The following WDR12 variants were observed in gnomAD, a reference collection of about 807,000 sequenced individuals.
WDR12 encodes the protein WD repeat domain 12.
In WDR12, 42 loss-of-function variants were observed where a neutral mutation model predicts 64.3. The ratio of observed to expected loss-of-function variants is 0.65; its 90% confidence interval spans 0.51 to 0.84. The LOEUF is 0.84. Ranked by LOEUF, WDR12 falls within the 40% of genes least tolerant of loss-of-function variation. WDR12 has a pLI of 0.00. For missense variants in WDR12, 469 were observed against 494.6 expected (o/e 0.95, Z 0.49); for synonymous variants, 158 against 173.3 (o/e 0.91, Z 0.70).
At chr2:202,883,549 A>C (rs1687991441) in intron 11 of WDR12, 60 bp downstream of exon 11, 1 of 1,540,644 alleles carries the variant, frequency 6.5e-7, no homozygotes, top group Non-Finnish European at 8.8e-7. Flanking sequence ...TTCAGTATTC[A>C]TTTCCTTTCT....
At chr2:202,902,960 T>C (rs2105910975) in intron 2 of WDR12, among the ~76,000 whole-genome samples, 1 of 152,194 alleles carries the variant, frequency 6.6e-6, no homozygotes, top group East Asian at 1.9e-4. Flanking sequence ...GCGCCTGTAA[T>C]CCCAGCTACT....
chr2:202,882,656 C>G, intron 12 of WDR12, 55 bp downstream of exon 12: 1 of 1,558,528 alleles, frequency 6.4e-7, no homozygotes, highest in South Asian at 1.1e-5. Context: ...TAAACACAAA[C>G]ACCAGATTTA....
intron 1 of WDR12, among the ~76,000 whole-genome samples, chr2:202,910,008 G>C (rs1237322833): frequency 6.6e-6 from 1 of 151,958 alleles, no homozygotes; most frequent in African/African-American, 2.4e-5. Flanking sequence ...TGTTGCTCAG[G>C]CTGGTCTCAA....
rs987083331 is a variant in WDR12 at position 202,911,615 on chromosome 2, T to C, written c.-139A>G. 99 of 787,942 alleles carry C rather than the reference T, an allele frequency of 1.3e-4. 1 individual carries two copies. The Middle Eastern group carries it at 1.7e-3, about 14-fold the overall frequency. The allele number at this position is 787,942 out of a possible 1,614,324, so 48.8% of individuals were successfully genotyped here. A position where few individuals can be genotyped will look rare whatever the true frequency, so the allele number is the denominator to read the frequency against. The stretch of plus-strand genomic sequence containing the variant: ...TAAGCGAGGAACTGCAGTCTAAGCC[T>C]GGACTCTGCCTTCTGCCCTCCGGTC... On this transcript the variant is annotated 5_prime_UTR_variant, in exon 1 of 13. Transcript: ENST00000261015.
intron 8 of WDR12, among the ~76,000 whole-genome samples, chr2:202,884,799 T>C (rs1192898764): frequency 6.6e-6 from 1 of 152,236 alleles, no homozygotes; most frequent in Non-Finnish European, 1.5e-5. Flanking sequence ...TACTCGTCTG[T>C]AGTCTTTCCA....
At chr2:202,889,423 T>C (rs1469261097) in intron 8 of WDR12, among the ~76,000 whole-genome samples, 1 of 152,206 alleles carries the variant, frequency 6.6e-6, no homozygotes, top group South Asian at 2.1e-4. Context: ...AAATGGGCTA[T>C]GAGGTGGGAG....
intron 2 of WDR12, among the ~76,000 whole-genome samples, chr2:202,905,178 C>T (rs1282458412): frequency 6.6e-6 from 1 of 152,220 alleles, no homozygotes; most frequent in Non-Finnish European, 1.5e-5. Context: ...CGGAGTCCTG[C>T]TCTGTCACCC....
intron 8 of WDR12, among the ~76,000 whole-genome samples, chr2:202,886,703 G>A (rs945659640): frequency 7.0e-6 from 1 of 142,378 alleles, no homozygotes; most frequent in Non-Finnish European, 1.5e-5. Context: ...GGAAGCAAAG[G>A]TTGCAGTGAG....
chr2:202,896,060 C>G lies in WDR12; in HGVS notation c.609+5G>C. 3 of 1,609,470 alleles carry G rather than the reference C, an allele frequency of 1.9e-6. No individual in the cohort carries two copies. The highest frequency in any genetic ancestry group is 1.1e-5 in the South Asian group (1 of 89,700). On this transcript the variant is annotated splice_donor_5th_base_variant and intron_variant, in intron 6 of 12. Coordinates refer to ENST00000261015, the MANE Select transcript of WDR12 (RefSeq NM_018256.4). ...CAGAGTACTAATAATATTCTAGCTA[C>G]TTACTTTAGTTCCTGAGCCATCAAC... is the stretch of plus-strand genomic sequence containing the variant.
chr2:202,889,460 C>T (rs1013050161), intron 8 of WDR12, among the ~76,000 whole-genome samples: 1 of 152,002 alleles, frequency 6.6e-6, no homozygotes, highest in African/African-American at 2.4e-5. Context: ...GAGTTTGAGA[C>T]AGCTCGGGCA....
chr2:202,884,677 A>C, intron 8 of WDR12, 142 bp from the exon 9 acceptor site: 1 of 891,288 alleles, frequency 1.1e-6, no homozygotes, highest in Non-Finnish European at 1.6e-6. Context: ...TTCCTTTACA[A>C]TGGAATGGAT....
intron 5 of WDR12, among the ~76,000 whole-genome samples, chr2:202,896,784 C>T (rs1165723873): frequency 1.7e-4 from 26 of 151,812 alleles, no homozygotes; most frequent in Admixed American, 1.7e-3. Context: ...GTCAGGAGTT[C>T]GAGATCAGCC....
chr2:202,906,680 T>G (rs540844276), intron 2 of WDR12, among the ~76,000 whole-genome samples: 2 of 152,194 alleles, frequency 1.3e-5, no homozygotes, highest in African/African-American at 4.8e-5. Context: ...CCTCGCCAAA[T>G]GGTGAAACCC....
intron 2 of WDR12, among the ~76,000 whole-genome samples, chr2:202,903,199 T>C (rs1285814994): frequency 3.3e-5 from 5 of 152,186 alleles, no homozygotes; most frequent in Non-Finnish European, 5.9e-5. Context: ...AAAAAGCATA[T>C]GATCATTTCA....
At chr2:202,902,976 G>A (rs1688376252) in intron 2 of WDR12, among the ~76,000 whole-genome samples, 1 of 152,146 alleles carries the variant, frequency 6.6e-6, no homozygotes, top group African/African-American at 2.4e-5. Context: ...CTACTCGGGA[G>A]GCTGAAGCAG....
At position 202,880,736 on chromosome 2, in the gene WDR12, G is replaced by A. The variant is rs1015564704; in HGVS notation, c.*124C>T. ...GAAAAAGTGATACGTTAGCTGTTATGAAGGGTGAAAACATTATATAAACTT... is the reference window on the plus strand; with the variant it reads ...GAAAAAGTGATACGTTAGCTGTTATAAAGGGTGAAAACATTATATAAACTT... On this transcript the variant is annotated 3_prime_UTR_variant, in exon 13 of 13. Transcript: ENST00000261015. 3.1e-6 allele frequency: 2 copies of A among 654,500 alleles called. No homozygotes were observed. Among genetic ancestry groups the A allele is most frequent in the South Asian group, 2.6e-5 (1 of 37,750 alleles). The allele number at this position is 654,500 out of a possible 1,614,324, so 40.5% of individuals were successfully genotyped here.
chr2:202,910,197 C>T (rs1274327725), intron 1 of WDR12, among the ~76,000 whole-genome samples: 1 of 152,078 alleles, frequency 6.6e-6, no homozygotes, highest in Non-Finnish European at 1.5e-5. Flanking sequence ...AACACAGTGG[C>T]CTATTATCTC....
intron 7 of WDR12, among the ~76,000 whole-genome samples, chr2:202,893,663 G>A (rs1027573561): frequency 6.6e-6 from 1 of 152,096 alleles, no homozygotes; most frequent in Non-Finnish European, 1.5e-5. Flanking sequence ...AGTAACAGAG[G>A]TATTCTGATT....
In WDR12 at chr2:202,901,965, C is replaced by G. The variant is rs573183449; in HGVS notation, c.137-846G>C. On this transcript the variant is annotated intron_variant, in intron 2 of 12. Transcript: ENST00000261015. ...CTCTTTTTAAGATATTAAGACCCAT[C>G]ATAGGGCTTGGATTATATCAGTCTG... is the stretch of plus-strand genomic sequence containing the variant. 2.6e-5 allele frequency among the ~76,000 whole-genome samples: 4 copies of G among 152,228 alleles called. No homozygotes were observed. In the South Asian group the frequency reaches 6.2e-4, roughly 24 times the overall value.
Sources: gnomAD v4.1 joint callset for allele counts (sites outside exome capture counted in the v4.1 genomes callset) on GRCh38, gnomAD v4.1.1 for gene constraint, MANE v1.5 for transcripts, NCBI Gene and HGNC (gene_info 2026-07-23, HGNC 2026-07-21) for gene names.